DNER: variants seen among roughly 807,000 people sequenced by gnomAD.
The protein encoded by DNER is delta/notch like EGF repeat containing.
A neutral mutation model predicts 78.2 loss-of-function variants in DNER; 33 were observed. That is an observed-to-expected ratio of 0.42 (90% CI 0.32 to 0.56). The LOEUF is 0.56. Among genes scored for constraint, DNER ranks in the 20% least tolerant of loss-of-function variants. The probability of loss-of-function intolerance (pLI) is 0.11; values close to 1 mark genes in which losing one functional copy is unlikely to be tolerated. For missense variants in DNER, 918 were observed against 975.3 expected, an observed-to-expected ratio of 0.94 and a Z score of 0.78; for synonymous variants, 417 against 384.8, an observed-to-expected ratio of 1.08 and a Z score of -0.98.
intron 4 of DNER, among the ~76,000 whole-genome samples, chr2:229,565,609 T>C (rs1369435992): frequency 6.6e-6 from 1 of 152,214 alleles, no homozygotes; most frequent in Non-Finnish European, 1.5e-5. Context: ...AAAATCTTTT[T>C]TTGAAGCAAA....
intron 10 of DNER, among the ~76,000 whole-genome samples, chr2:229,401,476 T>G (rs572240805): frequency 6.0e-4 from 91 of 152,130 alleles, no homozygotes; most frequent in African/African-American, 2.2e-3. Flanking sequence ...ATCCATACTT[T>G]GGAATACTGC....
intron 11 of DNER, among the ~76,000 whole-genome samples, chr2:229,383,199 G>C (rs1028373228): frequency 1.3e-5 from 2 of 152,152 alleles, no homozygotes; most frequent in African/African-American, 4.8e-5. Flanking sequence ...ATCCTTTACA[G>C]ACAAGCAAAT....
intron 1 of DNER, among the ~76,000 whole-genome samples, chr2:229,641,284 G>C (rs1698619159): frequency 6.6e-6 from 1 of 152,206 alleles, no homozygotes; most frequent in Non-Finnish European, 1.5e-5. Flanking sequence ...AGGCTGGAGA[G>C]TTGGATGGAT....
At chr2:229,412,957 A>T (rs1391355342) in intron 9 of DNER, among the ~76,000 whole-genome samples, 1 of 152,222 alleles carries the variant, frequency 6.6e-6, no homozygotes, top group African/African-American at 2.4e-5. Context: ...TGGTTGAAAA[A>T]GCAAAAGGGA....
chr2:229,685,358 G>A (rs963088439), intron 1 of DNER, among the ~76,000 whole-genome samples: 12 of 152,216 alleles, frequency 7.9e-5, no homozygotes, highest in African/African-American at 1.2e-4. Context: ...ATCACTGAAT[G>A]GATGACCCAG....
intron 1 of DNER, among the ~76,000 whole-genome samples, chr2:229,707,063 G>C (rs1347036646): frequency 6.6e-6 from 1 of 151,872 alleles, no homozygotes; most frequent in African/African-American, 2.4e-5. Context: ...GCCCAGGCTG[G>C]AGTGCAGTGA....
At chr2:229,636,149 C>A (rs1482794774) in intron 1 of DNER, among the ~76,000 whole-genome samples, 1 of 152,126 alleles carries the variant, frequency 6.6e-6, no homozygotes, top group African/African-American at 2.4e-5. Context: ...ACCGTTTGTA[C>A]CAGCATATCG....
At chr2:229,489,157 G>A (rs1185269958) in intron 6 of DNER, among the ~76,000 whole-genome samples, 1 of 152,226 alleles carries the variant, frequency 6.6e-6, no homozygotes, top group South Asian at 2.1e-4. Context: ...CCCTGGCTTC[G>A]TAAGTATCAC....
intron 6 of DNER, among the ~76,000 whole-genome samples, chr2:229,497,604 G>A (rs916294187): frequency 1.3e-5 from 2 of 149,472 alleles, no homozygotes; most frequent in Non-Finnish European, 3.0e-5. Flanking sequence ...AATGAAAGAG[G>A]GGATATTACA....
Position 229,447,401 on chromosome 2 carries a change from C to T in DNER, c.1401G>A (p.Gln467=). The T allele has an allele frequency of 6.2e-7, 1 of 1,613,650 alleles. No homozygotes were observed. The highest frequency in any genetic ancestry group is 8.5e-7 in the Non-Finnish European group (1 of 1,179,854). ...SPGFTGPTCA[Q]LIDFCALSPC... Reference sequence around the variant, plus strand: ...GGCTGAGGGCACAGAAGTCAATAAGCTGGGCACAGGTCGGCCCTGTGAAGC... The same window carrying T: ...GGCTGAGGGCACAGAAGTCAATAAGTTGGGCACAGGTCGGCCCTGTGAAGC... Residue 467 remains glutamine (Q), a synonymous_variant, in exon 8 of 13, where the codon CAG becomes CAA. Transcript: ENST00000341772.
intron 1 of DNER, among the ~76,000 whole-genome samples, chr2:229,640,837 G>C (rs1291632278): frequency 1.3e-5 from 2 of 152,166 alleles, no homozygotes; most frequent in African/African-American, 4.8e-5. Context: ...GAACTCCAGG[G>C]TTTTGGATAG....
chr2:229,591,030 G>C lies in DNER; in HGVS notation c.585+550C>G, dbSNP rs1697595038. ...CCTTTGCCTTCCGCCATGATTGTAA[G>C]CTTCCAGAGGCTCAGCAGAAGCAGA... On this transcript the variant is annotated intron_variant, in intron 2 of 12. Coordinates refer to ENST00000341772, the MANE Select transcript of DNER (RefSeq NM_139072.4). This position sits in a 1 kb window ranked among gnomAD's most constrained non-coding sequence, Gnocchi z 4.6. Among the ~76,000 whole-genome samples, 1 of 152,200 alleles carries C rather than the reference G, an allele frequency of 6.6e-6. No individual in the cohort carries two copies.
chr2:229,510,022 AT>A (rs1345771896), intron 6 of DNER, among the ~76,000 whole-genome samples: 2 of 152,152 alleles, frequency 1.3e-5, no homozygotes, highest in Non-Finnish European at 2.9e-5. Flanking sequence ...AACAACAGAG[AT>A]CTGGGAGTAG....
At chr2:229,405,878 A>C (rs749042784) in intron 10 of DNER, among the ~76,000 whole-genome samples, 8 of 152,126 alleles carry the variant, frequency 5.3e-5, no homozygotes, top group Admixed American at 2.0e-4. Context: ...TGGGATAAGA[A>C]TATCTGGGGA....
At chr2:229,389,746 T>C (rs564211227) in intron 10 of DNER, among the ~76,000 whole-genome samples, 1 of 152,360 alleles carries the variant, frequency 6.6e-6, no homozygotes, top group South Asian at 2.1e-4. Flanking sequence ...ATATATTCCA[T>C]GTCTGTTTCA....
chr2:229,388,294 T>C lies in DNER; in HGVS notation c.1826A>G (p.His609Arg). 2.5e-6 allele frequency: 4 copies of C among 1,610,746 alleles called. No homozygotes were observed. The highest frequency in any genetic ancestry group is 3.4e-6 in the Non-Finnish European group (4 of 1,178,312). Residue 609 changes from histidine to arginine, a missense_variant, in exon 11 of 13, where the codon CAT (histidine) becomes CGT (arginine). By Grantham distance (29) the His-to-Arg change is conservative. Transcript: ENST00000341772. ...CTCACAGTTTGCTCCCACCCAACCA[T>C]GCGGGCAGTGGCAGTTATAACCATT... ...QPNGYNCHCP[H>R]GWVGANCEIH...
At chr2:229,418,000 T>C (rs962069337) in intron 9 of DNER, 108 bp downstream of exon 9, 15 of 1,547,458 alleles carry the variant, frequency 9.7e-6, no homozygotes, top group Non-Finnish European at 1.2e-5. Context: ...CATTTGATTG[T>C]TATTCTGAAC....
rs548620240 is a variant in DNER at position 229,649,546 on chromosome 2, C to A, written c.277-57658G>T. Among the ~76,000 whole-genome samples, 5 of 152,300 alleles carry A rather than the reference C, an allele frequency of 3.3e-5. No homozygotes were observed. In the South Asian group the frequency reaches 1.0e-3, roughly 32 times the overall value. ...GCTACCAATACGATGTCACTGAACG[C>A]CAAGATGCGCACAACTCTTGCAAGC... On this transcript the variant is annotated intron_variant, in intron 1 of 12. Coordinates refer to ENST00000341772, the MANE Select transcript of DNER (RefSeq NM_139072.4).
intron 7 of DNER, among the ~76,000 whole-genome samples, chr2:229,453,932 A>AG (rs1191222751): frequency 2.0e-5 from 3 of 151,102 alleles, no homozygotes; most frequent in Non-Finnish European, 3.0e-5. Flanking sequence ...AAAAAAAAAA[A>AG]AAAAAAAAAA....
Sources: allele counts gnomAD v4.1 joint callset (sites outside exome capture counted in the v4.1 genomes callset), GRCh38; gene constraint gnomAD v4.1.1; non-coding constraint Gnocchi (gnomAD v3.1); transcripts MANE v1.5; gene names NCBI Gene and HGNC (gene_info 2026-07-23, HGNC 2026-07-21).